The following SCLT1 variants were observed in gnomAD, a reference collection of about 807,000 sequenced individuals.
SCLT1 encodes the protein sodium channel-associated protein 1.
In SCLT1, 78 loss-of-function variants were observed where a neutral mutation model predicts 112.8. That is an observed-to-expected ratio of 0.69 (90% confidence interval 0.58 to 0.83). SCLT1 has a LOEUF of 0.83. SCLT1 is among the 40% of genes least tolerant of loss of function. The pLI, the probability that SCLT1 is intolerant of heterozygous loss-of-function variation, is 0.00. For synonymous variants in SCLT1, 257 were observed against 254.7 expected (o/e 1.01, Z -0.09); for missense variants, 747 against 770.4 (o/e 0.97, Z 0.36).
chr4:128,876,943 T>A (rs1732535834), intron 3 of SCLT1, among the ~76,000 whole-genome samples: 1 of 152,250 alleles, frequency 6.6e-6, no homozygotes. Flanking sequence ...TGCCTTAATA[T>A]TTTTTGCTTC....
chr4:128,986,218 G>T (rs1158686074), intron 9 of SCLT1, among the ~76,000 whole-genome samples: 2 of 152,108 alleles, frequency 1.3e-5, no homozygotes, highest in Non-Finnish European at 2.9e-5. Context: ...ATTCAGTGCT[G>T]CCCTGTCACA....
intron 8 of SCLT1, among the ~76,000 whole-genome samples, chr4:128,994,041 C>A (rs2126072377): frequency 6.6e-6 from 1 of 152,216 alleles, no homozygotes; most frequent in East Asian, 1.9e-4. Flanking sequence ...AGAATACTTA[C>A]ATGAGTTATG....
At chr4:128,880,736 T>C (rs1732620309), downstream of SCLT1, among the ~76,000 whole-genome samples, 1 of 152,190 alleles carries the variant, frequency 6.6e-6, no homozygotes, top group Non-Finnish European at 1.5e-5. Context: ...TTTTTCCTCA[T>C]CCTAAACCCT....
intron 1 of SCLT1, among the ~76,000 whole-genome samples, chr4:129,092,131 T>C (rs969985717): frequency 6.6e-6 from 1 of 152,228 alleles, no homozygotes; most frequent in South Asian, 2.1e-4. Context: ...AACTACAATT[T>C]GATCATGCCA....
intron 2 of SCLT1, among the ~76,000 whole-genome samples, chr4:129,047,153 TATG>T (rs903376967): frequency 2.6e-5 from 4 of 152,132 alleles, no homozygotes; most frequent in Non-Finnish European, 5.9e-5. Context: ...TTATTTCGTT[TATG>T]ATTAGTGCTT....
At position 128,976,983 on chromosome 4, in the gene SCLT1, C is replaced by T. The variant is rs546125853; in HGVS notation, c.687-6515G>A. Reference sequence around the variant, plus strand: ...TGGGAAACTGTACCAATAATGGTATCGGAGCTCAGAGCTGCACTTTAGAAA... The same window carrying T: ...TGGGAAACTGTACCAATAATGGTATTGGAGCTCAGAGCTGCACTTTAGAAA... On this transcript the variant is annotated intron_variant, in intron 9 of 20. Coordinates refer to ENST00000281142, the MANE Select transcript of SCLT1 (RefSeq NM_144643.4). Among the ~76,000 whole-genome samples, 5 of 152,184 alleles carry T rather than the reference C, an allele frequency of 3.3e-5. No homozygotes were observed. In the East Asian group the frequency reaches 7.7e-4, roughly 23 times the overall value.
At chr4:129,003,961 C>A in intron 5 of SCLT1, 85 bp from the exon 6 acceptor site, 1 of 1,178,606 alleles carries the variant, frequency 8.5e-7, no homozygotes, top group South Asian at 1.4e-5. Context: ...ACATTTGGGT[C>A]AACAATAACT....
intron 9 of SCLT1, chr4:128,970,758 C>G (rs562305391): frequency 4.0e-6 from 1 of 248,426 alleles, no homozygotes; most frequent in South Asian, 7.3e-5. Context: ...CTTGAAAAAG[C>G]ACTTTATCAT....
chr4:129,092,874 A>G (rs2125792899), intron 1 of SCLT1, among the ~76,000 whole-genome samples, 196 bp downstream of exon 1: 1 of 152,330 alleles, frequency 6.6e-6, no homozygotes, highest in South Asian at 2.1e-4. Flanking sequence ...TGTAAGCTAC[A>G]AGTACTACCA....
At chr4:128,993,656 G>A (rs567295370) in intron 8 of SCLT1, among the ~76,000 whole-genome samples, 30 of 152,152 alleles carry the variant, frequency 2.0e-4, no homozygotes, top group Non-Finnish European at 4.0e-4. Context: ...GGAGACTCGA[G>A]AAGGTGCAGG....
intron 2 of SCLT1, among the ~76,000 whole-genome samples, chr4:129,073,444 T>C (rs1751197675): frequency 6.6e-6 from 1 of 152,170 alleles, no homozygotes; most frequent in African/African-American, 2.4e-5. Context: ...GAAATCAAAA[T>C]CTTATAAATT....
chr4:129,091,907 A>C (rs866611077), intron 1 of SCLT1, among the ~76,000 whole-genome samples: 4 of 152,302 alleles, frequency 2.6e-5, no homozygotes, highest in Middle Eastern at 3.4e-3. Flanking sequence ...ACTGGTCTAT[A>C]ATGCTACCAA....
intron 14 of SCLT1, among the ~76,000 whole-genome samples, chr4:128,951,795 A>T (rs1738764455): frequency 6.6e-6 from 1 of 152,182 alleles, no homozygotes; most frequent in South Asian, 2.1e-4. Flanking sequence ...ATGTTCCTAC[A>T]TTATTAAAAT....
chr4:128,900,608 T>A (rs944676101), intron 18 of SCLT1, among the ~76,000 whole-genome samples: 1 of 152,212 alleles, frequency 6.6e-6, no homozygotes, highest in Non-Finnish European at 1.5e-5. Context: ...ATTGAGGACA[T>A]AGGCATGGGC....
chr4:128,892,069 T>C (rs1457702497), intron 18 of SCLT1, among the ~76,000 whole-genome samples: 1 of 152,190 alleles, frequency 6.6e-6, no homozygotes, highest in Non-Finnish European at 1.5e-5. Flanking sequence ...CTTATTTATG[T>C]TTTGGTTGTA....
chr4:128,970,725 T>C (rs1167294730), intron 9 of SCLT1: 1 of 313,384 alleles, frequency 3.2e-6, no homozygotes. Context: ...TTATATTATA[T>C]ACCAAAGTGA....
chr4:129,025,812 G>A lies in SCLT1; in HGVS notation c.290+13229C>T, dbSNP rs376363397. Among the ~76,000 whole-genome samples the A allele has an allele frequency of 8.9e-4, 135 of 151,598 alleles. 1 individual carries two copies. In the Middle Eastern group the frequency reaches 0.031, roughly 35 times the overall value. ...GCTGTATTCAGGAAACCCATCTCAC[G>A]TGCAGAGACACACATAGGCTCAAAA... On this transcript the variant is annotated intron_variant, in intron 5 of 20. Transcript: ENST00000281142.
intron 5 of SCLT1, among the ~76,000 whole-genome samples, chr4:129,031,428 T>G (rs1746709443): frequency 6.6e-6 from 1 of 152,080 alleles, no homozygotes; most frequent in South Asian, 2.1e-4. Context: ...CTCTCACCAC[T>G]CCTATTAAAC....
At chr4:129,015,736 C>T (rs1744933712) in intron 5 of SCLT1, among the ~76,000 whole-genome samples, 1 of 152,166 alleles carries the variant, frequency 6.6e-6, no homozygotes, top group Admixed American at 6.6e-5. Context: ...GAGGCCCATG[C>T]TCCTTGAAAA....
Sources: allele counts gnomAD v4.1 joint callset (sites outside exome capture counted in the v4.1 genomes callset), GRCh38; gene constraint gnomAD v4.1.1; transcripts MANE v1.5; gene names NCBI Gene and HGNC (gene_info 2026-07-23, HGNC 2026-07-21).